The following JPH3 variants were observed in gnomAD, a reference collection of about 807,000 sequenced individuals.
JPH3 encodes the protein junctophilin 3.
In JPH3, 11 loss-of-function variants were observed where a neutral mutation model predicts 59.6. The ratio of observed to expected loss-of-function variants is 0.18; its 90% CI spans 0.12 to 0.31. The LOEUF is 0.31. JPH3 is among the 10% of genes least tolerant of loss of function. The pLI, the probability that JPH3 is intolerant of heterozygous loss-of-function variation, is 1.00. For synonymous variants in JPH3, 673 were observed against 483.6 expected (o/e 1.39, Z -5.14); for missense variants, 1,202 against 1,105.7 (o/e 1.09, Z -1.24).
At chr16:87,669,789 C>T (rs1230883356) in intron 2 of JPH3, among the ~76,000 whole-genome samples, 1 of 152,154 alleles carries the variant, frequency 6.6e-6, no homozygotes, top group Admixed American at 6.5e-5. Context: ...GCAGTCACTG[C>T]TGACGTGAGT....
chr16:87,675,388 T>C (rs866075371), intron 2 of JPH3, among the ~76,000 whole-genome samples: 2 of 152,164 alleles, frequency 1.3e-5, no homozygotes, highest in Non-Finnish European at 2.9e-5. Context: ...AGCCTCCCCG[T>C]CCAGCCTTCC....
intron 1 of JPH3, among the ~76,000 whole-genome samples, chr16:87,630,319 C>T (rs1173299519): frequency 6.6e-6 from 1 of 152,186 alleles, no homozygotes; most frequent in East Asian, 1.9e-4. Flanking sequence ...TCTGGCATGT[C>T]CACCCTGCCA....
chr16:87,696,240 G>A (rs975713095), intron 4 of JPH3: 14 of 435,556 alleles, frequency 3.2e-5, no homozygotes, highest in African/African-American at 1.8e-4. Flanking sequence ...AAGGCCACAC[G>A]CACCGAGACG....
At chr16:87,693,413 C>T (rs1446614781) in intron 4 of JPH3, 2 of 152,302 alleles carry the variant, frequency 1.3e-5, no homozygotes, top group Non-Finnish European at 2.9e-5. Context: ...GTGGCTCACA[C>T]CTATAATCCC....
intron 3 of JPH3, among the ~76,000 whole-genome samples, chr16:87,684,828 A>AG (rs1035568953): frequency 8.9e-6 from 1 of 112,314 alleles, no homozygotes; most frequent in Non-Finnish European, 1.8e-5. Context: ...CCTCCCTTCG[A>AG]GGGGGGGATC....
intron 1 of JPH3, chr16:87,604,498 G>C (rs1257413911): frequency 1.5e-5 from 20 of 1,318,382 alleles, no homozygotes; most frequent in Non-Finnish European, 2.0e-5. Context: ...CCATGTGGGA[G>C]CTTATCCTCA....
At chr16:87,636,035 C>T (rs985767059) in intron 1 of JPH3, among the ~76,000 whole-genome samples, 4 of 152,234 alleles carry the variant, frequency 2.6e-5, no homozygotes, top group Admixed American at 6.5e-5. Flanking sequence ...GCCAGACCCT[C>T]GCGGCGGCCC....
intron 2 of JPH3, chr16:87,654,961 C>G (rs897331670): frequency 6.6e-6 from 1 of 152,276 alleles, no homozygotes; most frequent in African/African-American, 2.4e-5. Flanking sequence ...TCCGGGAAAA[C>G]GCTGTCACCG....
chr16:87,651,010 A>C (rs1167413271), intron 2 of JPH3, among the ~76,000 whole-genome samples: 1 of 152,238 alleles, frequency 6.6e-6, no homozygotes, highest in Admixed American at 6.5e-5. Flanking sequence ...GCTGGATTTG[A>C]AGGACAGGCT....
intron 2 of JPH3, among the ~76,000 whole-genome samples, chr16:87,680,270 A>T (rs2033253662): frequency 6.6e-6 from 1 of 152,138 alleles, no homozygotes; most frequent in African/African-American, 2.4e-5. Flanking sequence ...CATTGGTAAG[A>T]CTGGCTGGAG....
intron 1 of JPH3, among the ~76,000 whole-genome samples, chr16:87,607,919 G>T (rs1161799512): frequency 1.3e-5 from 2 of 152,224 alleles, no homozygotes; most frequent in Non-Finnish European, 2.9e-5. Context: ...GTGGTGAAAG[G>T]CTCCGTAAGG....
chr16:87,661,948 T>C (rs1006945975), intron 2 of JPH3, among the ~76,000 whole-genome samples: 28 of 152,234 alleles, frequency 1.8e-4, no homozygotes, highest in African/African-American at 5.8e-4. Context: ...TACTCCTGAG[T>C]GGCAGTTGAT....
At chr16:87,643,535 G>A (rs1013905837) in intron 1 of JPH3, among the ~76,000 whole-genome samples, 1 of 152,212 alleles carries the variant, frequency 6.6e-6, no homozygotes, top group Admixed American at 6.5e-5. Flanking sequence ...CTGTCTCCCA[G>A]AGCAGCCCAT....
At chr16:87,619,181 G>A (rs753018064) in intron 1 of JPH3, among the ~76,000 whole-genome samples, 12 of 151,980 alleles carry the variant, frequency 7.9e-5, no homozygotes, top group Non-Finnish European at 8.8e-5. Context: ...GCTGGGCATG[G>A]TGGTGCCTGT....
intron 1 of JPH3, among the ~76,000 whole-genome samples, chr16:87,636,152 C>G (rs183078469): frequency 6.6e-6 from 1 of 152,192 alleles, no homozygotes; most frequent in Non-Finnish European, 1.5e-5. Context: ...TTCGATGGGA[C>G]AGGCTTTGGG....
At chr16:87,677,534 G>A (rs777614668) in intron 2 of JPH3, among the ~76,000 whole-genome samples, 1 of 152,126 alleles carries the variant, frequency 6.6e-6, no homozygotes, top group African/African-American at 2.4e-5. Flanking sequence ...GTTCTACAAG[G>A]GTCCTCCTTA....
At chr16:87,658,428 C>T (rs1043650200) in intron 2 of JPH3, among the ~76,000 whole-genome samples, 1 of 96,666 alleles carries the variant, frequency 1.0e-5, no homozygotes, top group South Asian at 2.9e-4. Flanking sequence ...CTTTTCCTCT[C>T]TATCTCCCTA....
chr16:87,634,366 TC>T (rs1426136933), intron 1 of JPH3, among the ~76,000 whole-genome samples: 1 of 152,076 alleles, frequency 6.6e-6, no homozygotes, highest in Non-Finnish European at 1.5e-5. Context: ...TGGGTGCTGG[TC>T]GATATGGGCC....
intron 2 of JPH3, among the ~76,000 whole-genome samples, chr16:87,669,655 T>TG (rs1212644951): frequency 6.6e-6 from 1 of 151,872 alleles, no homozygotes; most frequent in East Asian, 1.9e-4. Flanking sequence ...GCCTGGCGTG[T>TG]GGGGTGGAGG....
Sources: allele counts gnomAD v4.1 joint callset (sites outside exome capture counted in the v4.1 genomes callset), GRCh38; gene constraint gnomAD v4.1.1; transcripts MANE v1.5; gene names NCBI Gene and HGNC (gene_info 2026-07-23, HGNC 2026-07-21).